CSMD1: variants seen among roughly 807,000 people sequenced by gnomAD.
CSMD1 encodes the protein CUB and Sushi multiple domains 1, also known as CUB and sushi domain-containing protein 1.
CSMD1 carries 213 observed loss-of-function variants against 417.5 expected under a neutral mutation model. The ratio of observed to expected loss-of-function variants is 0.51; its 90% CI spans 0.46 to 0.57. The LOEUF is 0.57. Ranked by LOEUF, CSMD1 falls within the 20% of genes least tolerant of loss-of-function variation. CSMD1 has a pLI of 0.00. For missense variants in CSMD1, 6,923 were observed against 4,529.7 expected, an observed-to-expected ratio of 1.53 and a Z score of -15.17; for synonymous variants, 2,862 against 1,736.8, an observed-to-expected ratio of 1.65 and a Z score of -16.11.
At position 4,487,052 on chromosome 8, in the gene CSMD1, C is replaced by T. The variant is rs181933013; in HGVS notation, c.303-66987G>A. ...ACTGAAGAGAATTGTAATATCTTTC[C>T]GCTTTCTAATTAAGTTGGAGAATTT... is the stretch of plus-strand genomic sequence containing the variant. On this transcript the variant is annotated intron_variant, in intron 2 of 69. Transcript: ENST00000635120. Among the ~76,000 whole-genome samples the T allele has an allele frequency of 1.6e-3, 247 of 152,186 alleles. 2 individuals carry two copies. Among genetic ancestry groups the T allele is most frequent in the Middle Eastern group, 0.01 (3 of 294 alleles).
intron 7 of CSMD1, among the ~76,000 whole-genome samples, chr8:3,703,010 T>C (rs1800954346): frequency 1.3e-5 from 2 of 152,192 alleles, no homozygotes; most frequent in African/African-American, 4.8e-5. Context: ...CATTGCACTT[T>C]TTCCAAGAAT....
In CSMD1 at chr8:3,575,044, C is replaced by T. The variant is rs1197021631; in HGVS notation, c.1245G>A (p.Leu415=). The T allele has an allele frequency of 3.7e-6, 6 of 1,613,212 alleles. No individual in the cohort carries two copies. In the African/African-American group the frequency reaches 8.0e-5, roughly 22 times the overall value. ...ICRARTCGSN[L]RGPSGVITSP... is the part of the protein sequence containing the mutation. ...AGGTAATGACGCCGCTGGGCCCACG[C>T]AGATTGGATCCACATGTTCTCGCTG... The change falls in exon 10 of 70, where the codon CTG becomes CTA. Residue 415 remains leucine (L), a synonymous_variant. Coordinates refer to ENST00000635120, the MANE Select transcript of CSMD1 (RefSeq NM_033225.6).
At chr8:3,493,119 G>A (rs1400804281) in intron 11 of CSMD1, among the ~76,000 whole-genome samples, 7 of 151,712 alleles carry the variant, frequency 4.6e-5, no homozygotes, top group African/African-American at 9.7e-5. Flanking sequence ...CATGGCAAAC[G>A]CCTGTCTCTA....
Position 4,621,625 on chromosome 8 carries a change from C to A in CSMD1, c.302+15717G>T, listed in dbSNP as rs1325078351. Among the ~76,000 whole-genome samples, 3 of 152,064 alleles carry A rather than the reference C, an allele frequency of 2.0e-5. No individual in the cohort carries two copies. The South Asian group carries it at 6.2e-4, about 32-fold the overall frequency. ...CTTAAATTTTATCTAGAAATCACATCAAAATTACACAGTTTTAGAAACAGA... is the reference window on the plus strand; with the variant it reads ...CTTAAATTTTATCTAGAAATCACATAAAAATTACACAGTTTTAGAAACAGA... On this transcript the variant is annotated intron_variant, in intron 2 of 69. Coordinates refer to ENST00000635120, the MANE Select transcript of CSMD1 (RefSeq NM_033225.6).
intron 10 of CSMD1, among the ~76,000 whole-genome samples, chr8:3,500,072 C>T (rs1382057648): frequency 1.3e-5 from 2 of 152,080 alleles, no homozygotes; most frequent in Non-Finnish European, 2.9e-5. Context: ...CTCCCACTTA[C>T]CTTCTCCCTA....
chr8:3,157,871 C>A, intron 39 of CSMD1, 26 bp downstream of exon 39: 1 of 1,536,814 alleles, frequency 6.5e-7, no homozygotes, highest in Non-Finnish European at 8.8e-7. Context: ...TGCGCAGCAG[C>A]AGAGTTACAG....
At chr8:4,313,490 G>A (rs1328912418) in intron 3 of CSMD1, among the ~76,000 whole-genome samples, 1 of 128,746 alleles carries the variant, frequency 7.8e-6, no homozygotes, top group African/African-American at 3.0e-5. Context: ...GCTCCCAAAG[G>A]TCTTACATGT....
At chr8:4,564,708 C>A (rs1402769448) in intron 2 of CSMD1, among the ~76,000 whole-genome samples, 1 of 151,932 alleles carries the variant, frequency 6.6e-6, no homozygotes. Flanking sequence ...GAATGCATAC[C>A]CTGATAATAG....
chr8:4,831,030 C>G (rs1313874402), intron 1 of CSMD1, among the ~76,000 whole-genome samples: 1 of 152,206 alleles, frequency 6.6e-6, no homozygotes, highest in East Asian at 1.9e-4. Context: ...TGGTGAATAA[C>G]AGGATGATCT....
intron 1 of CSMD1, among the ~76,000 whole-genome samples, chr8:4,652,221 C>G (rs960360408): frequency 6.6e-6 from 1 of 152,020 alleles, no homozygotes; most frequent in East Asian, 1.9e-4. Context: ...CCATAAAAAT[C>G]AAAGGATGGG....
Position 3,708,587 on chromosome 8 carries a change from A to G in CSMD1, c.932-96T>C, listed in dbSNP as rs942113442. On this transcript the variant is annotated intron_variant, in intron 6 of 69. Transcript: ENST00000635120. ...GCACTTCCAGTCATAACTGCTTTCT[A>G]TCAACCCCCGAAAATGGGAAATGTT... 3.2e-5 allele frequency: 29 copies of G among 915,232 alleles called. No individual in the cohort carries two copies. In the Admixed American group the frequency reaches 3.7e-4, roughly 12 times the overall value. The allele number at this position is 915,232 out of a possible 1,614,324, so 56.7% of individuals were successfully genotyped here.
chr8:4,419,850 G>A (rs1380604839), intron 3 of CSMD1, 103 bp downstream of exon 3: 7 of 787,860 alleles, frequency 8.9e-6, no homozygotes, highest in East Asian at 5.7e-5. Context: ...ACCACGGAAC[G>A]ACCTGCGACA....
chr8:4,057,050 C>A (rs1165234523), intron 3 of CSMD1, among the ~76,000 whole-genome samples: 1 of 152,160 alleles, frequency 6.6e-6, no homozygotes, highest in Non-Finnish European at 1.5e-5. Context: ...GGTATGTACC[C>A]AGTAATGGGA....
chr8:3,440,100 C>A (rs1204287394), intron 12 of CSMD1, among the ~76,000 whole-genome samples: 1 of 152,274 alleles, frequency 6.6e-6, no homozygotes, highest in Non-Finnish European at 1.5e-5. Context: ...TTTTCCCACT[C>A]AATTTTGTTC....
intron 18 of CSMD1, among the ~76,000 whole-genome samples, chr8:3,370,102 G>C (rs992587377): frequency 6.6e-6 from 1 of 152,208 alleles, no homozygotes; most frequent in Non-Finnish European, 1.5e-5. Context: ...GTTATCTACT[G>C]AGAGTTGCTA....
intron 1 of CSMD1, among the ~76,000 whole-genome samples, chr8:4,756,599 G>A (rs1198354841): frequency 1.3e-5 from 2 of 152,186 alleles, no homozygotes; most frequent in South Asian, 2.1e-4. Context: ...TTTTGCAGAT[G>A]TATCTTCACT....
intron 48 of CSMD1, among the ~76,000 whole-genome samples, chr8:3,090,948 A>G (rs905265995): frequency 1.3e-5 from 2 of 152,208 alleles, no homozygotes; most frequent in African/African-American, 2.4e-5. Context: ...GTTAATATAA[A>G]TCACTGCTGG....
At chr8:4,744,057 C>T (rs925846851) in intron 1 of CSMD1, among the ~76,000 whole-genome samples, 1 of 152,186 alleles carries the variant, frequency 6.6e-6, no homozygotes, top group African/African-American at 2.4e-5. Context: ...TTTTCTTATG[C>T]GGCTTTGATG....
chr8:3,859,545 C>G (rs898016318), intron 5 of CSMD1, among the ~76,000 whole-genome samples: 1 of 152,154 alleles, frequency 6.6e-6, no homozygotes, highest in African/African-American at 2.4e-5. Context: ...CAGGGCGAGG[C>G]TAACTACATC....
Sources: allele counts gnomAD v4.1 joint callset (sites outside exome capture counted in the v4.1 genomes callset), GRCh38; gene constraint gnomAD v4.1.1; transcripts MANE v1.5; gene names NCBI Gene and HGNC (gene_info 2026-07-23, HGNC 2026-07-21).